KLHL1: variants seen among roughly 807,000 people sequenced by gnomAD.
KLHL1 encodes kelch-like protein 1.
A neutral mutation model predicts 77.7 loss-of-function variants in KLHL1; 47 were observed. The observed-to-expected ratio is 0.60, with a 90% CI of 0.48 to 0.77. KLHL1 has a LOEUF of 0.77. Among genes scored for constraint, KLHL1 ranks in the 30% least tolerant of loss-of-function variants. The pLI, the probability that KLHL1 is intolerant of heterozygous loss-of-function variation, is 0.00. For missense variants in KLHL1, 925 were observed against 910.8 expected (o/e 1.02, Z -0.20); for synonymous variants, 360 against 325.2 (o/e 1.11, Z -1.15).
chr13:69,895,134 TA>T, intron 4 of KLHL1: 1 of 465,150 alleles, frequency 2.1e-6, no homozygotes. Flanking sequence ...TCCTTATATA[TA>T]ATGAATTCTT....
chr13:69,947,943 G>A (rs1036948802), intron 3 of KLHL1, among the ~76,000 whole-genome samples: 1 of 152,022 alleles, frequency 6.6e-6, no homozygotes, highest in African/African-American at 2.4e-5. Flanking sequence ...AAGGCATAAC[G>A]TTCTCAAATA....
intron 1 of KLHL1, among the ~76,000 whole-genome samples, chr13:70,008,157 G>A (rs1370234514): frequency 2.6e-5 from 4 of 151,888 alleles, no homozygotes; most frequent in Admixed American, 6.6e-5. Flanking sequence ...ACAGGACCTA[G>A]GAGATAGTTT....
intron 5 of KLHL1, among the ~76,000 whole-genome samples, chr13:69,851,742 A>G (rs2138132675): frequency 6.6e-6 from 1 of 151,858 alleles, no homozygotes; most frequent in African/African-American, 2.4e-5. Context: ...CCTGTCCCAG[A>G]CAAGCTCCCA....
At chr13:69,890,380 T>A (rs1881381489) in intron 4 of KLHL1, among the ~76,000 whole-genome samples, 1 of 152,034 alleles carries the variant, frequency 6.6e-6, no homozygotes. Context: ...ATTGGAAACA[T>A]TCTTTGAAAT....
chr13:70,032,922 AT>A (rs1216046838), intron 1 of KLHL1, among the ~76,000 whole-genome samples: 1 of 152,106 alleles, frequency 6.6e-6, no homozygotes, highest in Non-Finnish European at 1.5e-5. Flanking sequence ...TTACTTTTCA[AT>A]TTACTTAAAA....
chr13:69,863,830 T>C (rs1247590322), intron 5 of KLHL1, among the ~76,000 whole-genome samples: 1 of 152,098 alleles, frequency 6.6e-6, no homozygotes, highest in Non-Finnish European at 1.5e-5. Flanking sequence ...TAACTGTCAG[T>C]AATAATTCTT....
chr13:69,803,418 T>C (rs1199947206), intron 6 of KLHL1, among the ~76,000 whole-genome samples: 2 of 152,202 alleles, frequency 1.3e-5, no homozygotes, highest in Non-Finnish European at 2.9e-5. Flanking sequence ...CTTCTTTTTA[T>C]GACTTCATCC....
intron 1 of KLHL1, among the ~76,000 whole-genome samples, chr13:70,014,728 T>C (rs1885616595): frequency 1.3e-5 from 2 of 151,964 alleles, no homozygotes; most frequent in Non-Finnish European, 2.9e-5. Flanking sequence ...ATATGAATGA[T>C]GAGATAATGT....
intron 8 of KLHL1, among the ~76,000 whole-genome samples, chr13:69,725,740 T>A (rs1022324266): frequency 2.0e-5 from 3 of 152,166 alleles, no homozygotes; most frequent in African/African-American, 7.2e-5. Flanking sequence ...TTGTTGTAGC[T>A]TAGTGAAATC....
intron 1 of KLHL1, among the ~76,000 whole-genome samples, chr13:70,099,001 G>C (rs1887858882): frequency 6.6e-6 from 1 of 151,500 alleles, no homozygotes. Context: ...GTAACTTTTA[G>C]CTTCTTACTC....
intron 9 of KLHL1, among the ~76,000 whole-genome samples, chr13:69,714,782 T>C (rs1876039899): frequency 1.3e-5 from 2 of 151,858 alleles, no homozygotes; most frequent in Admixed American, 1.3e-4. Flanking sequence ...CTAGTACAGA[T>C]GGGATTTTGC....
At chr13:69,773,392 C>T (rs1875671794) in intron 7 of KLHL1, among the ~76,000 whole-genome samples, 1 of 151,942 alleles carries the variant, frequency 6.6e-6, no homozygotes, top group African/African-American at 2.4e-5. Context: ...TCCTCTATGT[C>T]CCAGTTAGAA....
chr13:69,744,005 A>C (rs1405172586), intron 7 of KLHL1, among the ~76,000 whole-genome samples: 4 of 152,160 alleles, frequency 2.6e-5, no homozygotes, highest in Non-Finnish European at 5.9e-5. Context: ...ATAAATAGGC[A>C]GTTAAATATA....
chr13:69,895,261 T>G (rs1449235412), intron 4 of KLHL1, among the ~76,000 whole-genome samples: 1 of 152,118 alleles, frequency 6.6e-6, no homozygotes, highest in Non-Finnish European at 1.5e-5. Flanking sequence ...TTTCTTATTT[T>G]TCCCCACTCT....
Position 69,867,877 on chromosome 13 carries a change from A to G in KLHL1, c.1227+14406T>C, listed in dbSNP as rs1030056874. Among the ~76,000 whole-genome samples the G allele has an allele frequency of 1.3e-4, 20 of 149,640 alleles. No individual in the cohort carries two copies. The East Asian group carries it at 2.4e-3, about 18-fold the overall frequency. On this transcript the variant is annotated intron_variant, in intron 5 of 10. Coordinates refer to ENST00000377844, the MANE Select transcript of KLHL1 (RefSeq NM_020866.3). ...TGGGGTGGGGGGAGGGGGGAGGGAT[A>G]GCATTAGGAGATATACCTAATGTTA...
intron 2 of KLHL1, among the ~76,000 whole-genome samples, chr13:69,973,685 T>G (rs1291845044): frequency 1.3e-5 from 2 of 152,050 alleles, no homozygotes; most frequent in African/African-American, 2.4e-5. Context: ...AGTAAAGTAG[T>G]ATCAAATACC....
intron 1 of KLHL1, among the ~76,000 whole-genome samples, chr13:70,034,197 T>A: frequency 6.6e-6 from 1 of 152,196 alleles, no homozygotes; most frequent in Non-Finnish European, 1.5e-5. Context: ...TTAATCTACA[T>A]TTATTCTAAA....
intron 4 of KLHL1, among the ~76,000 whole-genome samples, chr13:69,937,649 C>A (rs1445126642): frequency 6.6e-6 from 1 of 152,082 alleles, no homozygotes; most frequent in Non-Finnish European, 1.5e-5. Flanking sequence ...ACACTTCTAC[C>A]TGATGCTGAG....
chr13:70,062,657 G>C (rs928533715), intron 1 of KLHL1, among the ~76,000 whole-genome samples: 5 of 152,038 alleles, frequency 3.3e-5, no homozygotes, highest in Non-Finnish European at 7.4e-5. Context: ...AAATTGATGA[G>C]TGAGTAAATA....
Sources: allele counts gnomAD v4.1 joint callset (sites outside exome capture counted in the v4.1 genomes callset), GRCh38; gene constraint gnomAD v4.1.1; transcripts MANE v1.5; gene names NCBI Gene and HGNC (gene_info 2026-07-23, HGNC 2026-07-21).